Variants in RNF150 observed in about 807,000 individuals in gnomAD.
RNF150 encodes ring finger protein 150.
RNF150 carries 24 observed loss-of-function variants against 39.3 expected under a neutral mutation model. The ratio of observed to expected loss-of-function variants is 0.61; its 90% CI spans 0.44 to 0.86. The LOEUF (loss-of-function observed/expected upper bound fraction) is 0.86, where lower values mean the gene tolerates loss of function less well. Among genes scored for constraint, RNF150 ranks in the 40% least tolerant of loss-of-function variants. The probability of loss-of-function intolerance (pLI) is 0.00; values close to 1 mark genes in which losing one functional copy is unlikely to be tolerated. For synonymous variants in RNF150, 255 were observed against 227.3 expected (o/e 1.12, Z -1.10); for missense variants, 502 against 587.8 (o/e 0.85, Z 1.51).
Position 140,922,977 on chromosome 4 carries a change from G to T in RNF150, c.987+3000C>A, listed in dbSNP as rs1171612913. Reference sequence around the variant, plus strand: ...CTTATACAAAAATTAATTCAAGATGGATTAAAGACTTAAACGTTAGACCTA... The same window carrying T: ...CTTATACAAAAATTAATTCAAGATGTATTAAAGACTTAAACGTTAGACCTA... On this transcript the variant is annotated intron_variant, in intron 5 of 6. Coordinates refer to ENST00000515673, the MANE Select transcript of RNF150 (RefSeq NM_020724.2). Among the ~76,000 whole-genome samples the T allele has an allele frequency of 1.3e-5, 2 of 150,780 alleles. 1 individual carries two copies. Among genetic ancestry groups the T allele is most frequent in the South Asian group, 4.2e-4 (2 of 4,808 alleles).
chr4:140,984,038 C>T (rs1292049443), intron 1 of RNF150, among the ~76,000 whole-genome samples: 7 of 152,040 alleles, frequency 4.6e-5, no homozygotes, highest in African/African-American at 1.4e-4. Flanking sequence ...CGTGCCCAGC[C>T]GTGTGACTGC....
intron 1 of RNF150, among the ~76,000 whole-genome samples, chr4:141,055,979 G>A (rs548331544): frequency 4.9e-4 from 75 of 152,248 alleles, no homozygotes; most frequent in African/African-American, 1.7e-3. Context: ...GGCTACAAAC[G>A]AGTCTAGGTA....
Position 141,210,415 on chromosome 4 carries a change from G to A in RNF150, c.-6+2379C>T, listed in dbSNP as rs554326799. Among the ~76,000 whole-genome samples the A allele has an allele frequency of 5.3e-5, 8 of 151,358 alleles. No homozygotes were observed. In the South Asian group the frequency reaches 6.3e-4, roughly 12 times the overall value. Reference sequence around the variant, plus strand: ...TTAGTTTTCTTTTTGCAATGCTGACGTTGATTTTGCCCTCAGACAACACAC... The same window carrying A: ...TTAGTTTTCTTTTTGCAATGCTGACATTGATTTTGCCCTCAGACAACACAC... On this transcript the variant is annotated intron_variant, in intron 1 of 7. Transcript: ENST00000420921.
intron 1 of RNF150, among the ~76,000 whole-genome samples, chr4:141,017,135 C>T (rs541203316): frequency 2.0e-5 from 3 of 152,168 alleles, no homozygotes; most frequent in African/African-American, 7.2e-5. Context: ...TCTTTATCTC[C>T]AATTGCTTGC....
intron 1 of RNF150, among the ~76,000 whole-genome samples, chr4:141,191,721 A>T (rs552304356): frequency 5.3e-5 from 8 of 152,332 alleles, no homozygotes; most frequent in African/African-American, 1.9e-4. Flanking sequence ...CTATCTATCT[A>T]TCTGCACACA....
intron 5 of RNF150, among the ~76,000 whole-genome samples, chr4:140,924,773 T>G (rs1351901280): frequency 6.6e-6 from 1 of 152,216 alleles, no homozygotes; most frequent in East Asian, 1.9e-4. Flanking sequence ...GAAAATTTAA[T>G]GCATTATCTT....
chr4:140,876,405 T>C (rs567078129), intron 6 of RNF150, among the ~76,000 whole-genome samples: 2 of 152,368 alleles, frequency 1.3e-5, no homozygotes, highest in South Asian at 4.1e-4. Context: ...AGGAAATGTG[T>C]TCCTTTGAAT....
chr4:141,051,387 G>T (rs2110890925), intron 1 of RNF150, among the ~76,000 whole-genome samples: 1 of 152,252 alleles, frequency 6.6e-6, no homozygotes, highest in Non-Finnish European at 1.5e-5. Context: ...CAGAAAATGA[G>T]ATTTTCTTTT....
intron 1 of RNF150, among the ~76,000 whole-genome samples, chr4:141,207,776 T>C (rs1241300592): frequency 6.6e-6 from 1 of 152,156 alleles, no homozygotes; most frequent in African/African-American, 2.4e-5. Context: ...AAGTAACATA[T>C]AGAGATATGG....
At chr4:141,077,404 T>C (rs1239475573) in intron 1 of RNF150, among the ~76,000 whole-genome samples, 3 of 152,212 alleles carry the variant, frequency 2.0e-5, no homozygotes, top group Non-Finnish European at 4.4e-5. Flanking sequence ...CATATGTGAC[T>C]GCAAACGGGC....
chr4:141,086,432 T>C (rs973022007), intron 1 of RNF150, among the ~76,000 whole-genome samples: 5 of 152,142 alleles, frequency 3.3e-5, no homozygotes, highest in African/African-American at 1.2e-4. Flanking sequence ...TTATCCCTAT[T>C]AATGCTTTTG....
chr4:140,937,901 T>C (rs1190436359), intron 4 of RNF150, among the ~76,000 whole-genome samples: 2 of 152,118 alleles, frequency 1.3e-5, no homozygotes, highest in Non-Finnish European at 2.9e-5. Flanking sequence ...TCAAATCCTA[T>C]GAAAATCTGC....
chr4:140,904,064 C>G (rs1025952127), intron 6 of RNF150, among the ~76,000 whole-genome samples: 1 of 152,176 alleles, frequency 6.6e-6, no homozygotes. Context: ...TAGTTGCCAT[C>G]TGCGAAGCTT....
chr4:140,935,027 TTTATA>T (rs1731791302), intron 4 of RNF150, among the ~76,000 whole-genome samples: 1 of 27,902 alleles, frequency 3.6e-5, no homozygotes, highest in African/African-American at 2.0e-4. Flanking sequence ...ATATTATATA[TTTATA>T]ATATATATAT....
At chr4:140,947,824 T>C in intron 3 of RNF150, 88 bp from the exon 4 acceptor site, 1 of 850,366 alleles carries the variant, frequency 1.2e-6, no homozygotes, top group Non-Finnish European at 1.8e-6. Context: ...AGAGCTTGCC[T>C]GGAGCAAAGC....
chr4:140,861,041 C>T lies in RNF150; in HGVS notation c.*7220G>A, dbSNP rs1284933402. 5 of 152,018 alleles carry T rather than the reference C, an allele frequency of 3.3e-5. No homozygotes were observed. Among genetic ancestry groups the T allele is most frequent in the African/African-American group, 1.2e-4 (5 of 41,382 alleles). 9.4% of individuals were successfully genotyped at this position (152,018 alleles called of 1,614,324 possible). A position where few individuals can be genotyped will look rare whatever the true frequency, so the allele number is the denominator to read the frequency against. On this transcript the variant is annotated 3_prime_UTR_variant, in exon 7 of 7. Transcript: ENST00000515673. ...AAGGGACACCCCTCTATAAAAATAA[C>T]AGTCCCTCCCCACTCCCACCCCTAC...
At chr4:140,966,648 T>C (rs1420005035) in intron 2 of RNF150, among the ~76,000 whole-genome samples, 2 of 152,156 alleles carry the variant, frequency 1.3e-5, no homozygotes, top group Non-Finnish European at 2.9e-5. Flanking sequence ...ATTTTTAACT[T>C]ACCAAATCAC....
chr4:140,936,790 A>G (rs1731878379), intron 4 of RNF150, among the ~76,000 whole-genome samples: 1 of 152,176 alleles, frequency 6.6e-6, no homozygotes, highest in Non-Finnish European at 1.5e-5. Flanking sequence ...AAATTAGGAA[A>G]CATCTTACAA....
chr4:141,111,144 A>T lies in RNF150; in HGVS notation c.484+21181T>A, dbSNP rs77523985. Among the ~76,000 whole-genome samples, 409 of 152,316 alleles carry T rather than the reference A, an allele frequency of 2.7e-3. 1 individual carries two copies. The highest frequency in any genetic ancestry group is 9.6e-3 in the African/African-American group (398 of 41,578). ...CAGGACAAAAATGTCAACAGTGCCAAGGTTGAGAACCATTGATCCTGAGGA... is the reference window on the plus strand; with the variant it reads ...CAGGACAAAAATGTCAACAGTGCCATGGTTGAGAACCATTGATCCTGAGGA... On this transcript the variant is annotated intron_variant, in intron 1 of 6. Transcript: ENST00000515673.
Sources: gnomAD v4.1 joint callset for allele counts (sites outside exome capture counted in the v4.1 genomes callset) on GRCh38, gnomAD v4.1.1 for gene constraint, MANE v1.5 for transcripts, NCBI Gene and HGNC (gene_info 2026-07-23, HGNC 2026-07-21) for gene names.